The following ENPP2 variants were observed in gnomAD, a reference collection of about 807,000 sequenced individuals.
The protein encoded by ENPP2 is autotaxin.
A neutral mutation model predicts 120.2 loss-of-function variants in ENPP2; 51 were observed. The observed-to-expected ratio is 0.42, with a 90% CI of 0.34 to 0.54. The LOEUF is 0.54. ENPP2 is among the 20% of genes least tolerant of loss of function. The pLI is 0.04. For missense variants in ENPP2, 920 were observed against 1,066.5 expected, an observed-to-expected ratio of 0.86 and a Z score of 1.91; for synonymous variants, 365 against 366.4, an observed-to-expected ratio of 1.00 and a Z score of 0.04.
chr8:119,661,527 G>A (rs1356047211), intron 1 of ENPP2, among the ~76,000 whole-genome samples: 1 of 152,116 alleles, frequency 6.6e-6, no homozygotes, highest in Non-Finnish European at 1.5e-5. Flanking sequence ...AACAAGTGTT[G>A]GCAAGGGTGT....
rs1024483000 is a variant in ENPP2, at chr8:119,621,475, T to C, written c.337A>G (p.Asn113Asp). The C allele has an allele frequency of 1.2e-6, 2 of 1,613,610 alleles. No individual in the cohort carries two copies. The highest frequency in any genetic ancestry group is 1.7e-6 in the Non-Finnish European group (2 of 1,179,626). The change falls in exon 4 of 25, where the codon AAT becomes GAT. Residue 113 changes from asparagine to aspartate, a missense_variant. By Grantham distance (23) the Asn-to-Asp change is conservative (BLOSUM62 1). Coordinates refer to ENST00000075322, the MANE Select transcript of ENPP2 (RefSeq NM_001040092.3). ...CTKDRCGEVR[N>D]EENACHCSED... ...GAGCAGTGACAGGCATTTTCTTCAT[T>C]TCTGACTTCTCCACATCTGTCCTTA...
chr8:119,608,918 A>G (rs968155412), intron 8 of ENPP2, among the ~76,000 whole-genome samples: 4 of 152,234 alleles, frequency 2.6e-5, no homozygotes, highest in Non-Finnish European at 4.4e-5. Flanking sequence ...AGTAATATTA[A>G]AAACAGCCTA....
chr8:119,603,893 T>A (rs1417194218), intron 9 of ENPP2, among the ~76,000 whole-genome samples: 1 of 152,078 alleles, frequency 6.6e-6, no homozygotes, highest in African/African-American at 2.4e-5. Flanking sequence ...AGGGGCTGAT[T>A]GTGTTTGTGT....
chr8:119,589,398 A>T (rs1464013652), intron 13 of ENPP2, among the ~76,000 whole-genome samples: 1 of 152,168 alleles, frequency 6.6e-6, no homozygotes, highest in Admixed American at 6.5e-5. Context: ...ATAGTTATGA[A>T]TTCATGGGCC....
At chr8:119,631,659 C>A (rs1816694181) in intron 2 of ENPP2, among the ~76,000 whole-genome samples, 1 of 152,084 alleles carries the variant, frequency 6.6e-6, no homozygotes, top group Non-Finnish European at 1.5e-5. Flanking sequence ...TAAAATAGAA[C>A]AATAGAGTGG....
chr8:119,575,798 C>G (rs777429923), intron 19 of ENPP2, among the ~76,000 whole-genome samples: 2 of 152,182 alleles, frequency 1.3e-5, no homozygotes, highest in African/African-American at 4.8e-5. Flanking sequence ...AAGGTATGGG[C>G]TCTACCTCAA....
chr8:119,664,334 G>A (rs1376888916), intron 1 of ENPP2, among the ~76,000 whole-genome samples: 1 of 152,186 alleles, frequency 6.6e-6, no homozygotes, highest in Non-Finnish European at 1.5e-5. Context: ...AAGCTGTGCA[G>A]CCTTGAACAA....
In ENPP2 at chr8:119,584,567, A is replaced by G. The variant is rs571418503; in HGVS notation, c.1368-518T>C. ...ATGGAGATCTATATTCTATAAAAAT[A>G]TTTGCATGCAAATTTATCTATCAAT... On this transcript the variant is annotated intron_variant, in intron 15 of 24. Transcript: ENST00000075322. 2.6e-5 allele frequency among the ~76,000 whole-genome samples: 4 copies of G among 152,360 alleles called. No homozygotes were observed. The South Asian group carries it at 8.3e-4, about 32-fold the overall frequency.
At position 119,618,550 on chromosome 8, in the gene ENPP2, C is replaced by T. The variant is rs368475771; in HGVS notation, c.479+694G>A. On this transcript the variant is annotated intron_variant, in intron 5 of 24. Transcript: ENST00000075322. Reference sequence around the variant, plus strand: ...CCAGATGTCCCACTGCCTTGGATGCCTTTTTTTTTTTTAGAGGGGGTCTCT... The same window carrying T: ...CCAGATGTCCCACTGCCTTGGATGCTTTTTTTTTTTTTAGAGGGGGTCTCT... 3.2e-3 allele frequency: 904 copies of T among 280,170 alleles called. 11 individuals carry two copies. The highest frequency in any genetic ancestry group is 0.019 in the African/African-American group (826 of 42,856). 17.4% of individuals were successfully genotyped at this position (280,170 alleles called of 1,614,324 possible).
intron 1 of ENPP2, among the ~76,000 whole-genome samples, chr8:119,658,843 C>A (rs990715820): frequency 6.6e-6 from 1 of 152,104 alleles, no homozygotes; most frequent in African/African-American, 2.4e-5. Context: ...ATTGCTTGAA[C>A]AATTTAACAA....
chr8:119,561,656 G>C (rs906222378), intron 24 of ENPP2, among the ~76,000 whole-genome samples: 1 of 152,242 alleles, frequency 6.6e-6, no homozygotes, highest in Non-Finnish European at 1.5e-5. Context: ...CATCCTAGCT[G>C]TCTCCCCACA....
At position 119,590,662 on chromosome 8, in the gene ENPP2, G is replaced by GC. The variant is rs761641177; in HGVS notation, c.1082-33dup. ...GGAGGGAGAAAAAGAATATTTTCAG[G>GC]CAAGACTAAAACGAAAATCTTAACA... On this transcript the variant is annotated intron_variant, in intron 12 of 24. Coordinates refer to ENST00000075322, the MANE Select transcript of ENPP2 (RefSeq NM_001040092.3). 528 of 1,461,268 alleles carry GC rather than the reference G, an allele frequency of 3.6e-4. 6 individuals are homozygous for GC. The highest frequency in any genetic ancestry group is 2.7e-3 in the South Asian group (188 of 70,576). The allele number at this position is 1,461,268 out of a possible 1,614,324, so 90.5% of individuals were successfully genotyped here.
chr8:119,603,834 C>T (rs186809111), intron 9 of ENPP2, among the ~76,000 whole-genome samples: 29 of 151,966 alleles, frequency 1.9e-4, no homozygotes, highest in South Asian at 4.2e-4. Context: ...ATGGAGGGGT[C>T]GTCATTTTCT....
chr8:119,582,170 T>C (rs1171032651), intron 18 of ENPP2, among the ~76,000 whole-genome samples: 1 of 152,230 alleles, frequency 6.6e-6, no homozygotes, highest in Non-Finnish European at 1.5e-5. Flanking sequence ...AATAGCAACA[T>C]GAATTCTACT....
At chr8:119,606,311 G>T (rs1323570849) in intron 9 of ENPP2, among the ~76,000 whole-genome samples, 1 of 152,132 alleles carries the variant, frequency 6.6e-6, no homozygotes, top group Admixed American at 6.6e-5. Context: ...GATTTCAAAT[G>T]GGTGGAGAAA....
At chr8:119,617,944 C>T (rs1363507035) in intron 5 of ENPP2, among the ~76,000 whole-genome samples, 1 of 151,946 alleles carries the variant, frequency 6.6e-6, no homozygotes, top group Non-Finnish European at 1.5e-5. Flanking sequence ...AGTGAAACTC[C>T]ATCTCAAAAA....
chr8:119,660,541 C>G (rs1817891093), intron 1 of ENPP2, among the ~76,000 whole-genome samples: 1 of 152,152 alleles, frequency 6.6e-6, no homozygotes, highest in Admixed American at 6.5e-5. Flanking sequence ...ACAAAGGTAA[C>G]AAACAACCAG....
At position 119,616,265 on chromosome 8, in the gene ENPP2, C is replaced by T. The variant is rs200400825; in HGVS notation, c.777G>A (p.Pro259=). ...KFNHRWWGGQ[P]LWITATKQGV... ...GACACACAATAAATGCAAAACTTAC[C>T]GGTTGACCTCCCCACCATCTATGAT... is the stretch of plus-strand genomic sequence containing the variant. Residue 259 remains proline, a splice_region_variant and synonymous_variant, in exon 8 of 25, where the codon CCG becomes CCA. Coordinates refer to ENST00000075322, the MANE Select transcript of ENPP2 (RefSeq NM_001040092.3). 3.4e-5 allele frequency: 54 copies of T among 1,599,958 alleles called. No homozygotes were observed. Among genetic ancestry groups the T allele is most frequent in the South Asian group, 1.6e-4 (14 of 89,278 alleles).
At chr8:119,668,523 G>A (rs1056896095) in intron 1 of ENPP2, among the ~76,000 whole-genome samples, 29 of 147,130 alleles carry the variant, frequency 2.0e-4, no homozygotes, top group Admixed American at 1.8e-3. Flanking sequence ...TCCACCTCCC[G>A]GTTCAAGCAA....
Sources: allele counts gnomAD v4.1 joint callset (sites outside exome capture counted in the v4.1 genomes callset), GRCh38; gene constraint gnomAD v4.1.1; transcripts MANE v1.5; gene names NCBI Gene and HGNC (gene_info 2026-07-23, HGNC 2026-07-21).